Variants in TRAF3 observed in about 807,000 individuals in gnomAD.
TRAF3 encodes the protein TNF receptor-associated factor 3.
TRAF3 carries 13 observed loss-of-function variants against 62.3 expected under a neutral mutation model. The ratio of observed to expected loss-of-function variants is 0.21; its 90% CI spans 0.14 to 0.33. The LOEUF is 0.33. Among genes scored for constraint, TRAF3 ranks in the 10% least tolerant of loss-of-function variants. The probability of loss-of-function intolerance (pLI) is 1.00; values close to 1 mark genes in which losing one functional copy is unlikely to be tolerated. For missense variants in TRAF3, 440 were observed against 741.8 expected (o/e 0.59, Z 4.73); for synonymous variants, 269 against 283.4 (o/e 0.95, Z 0.51).
chr14:102,805,995 C>T (rs1435177221), intron 1 of TRAF3, among the ~76,000 whole-genome samples: 2 of 136,162 alleles, frequency 1.5e-5, no homozygotes, highest in African/African-American at 2.8e-5. Flanking sequence ...CAGTGGTTCT[C>T]ATCCAGAGAT....
rs1887650564 is a variant in TRAF3, at chr14:102,861,072, G to A, written c.-17-9113G>A. Among the ~76,000 whole-genome samples, 3 of 152,194 alleles carry A rather than the reference G, an allele frequency of 2.0e-5. No individual in the cohort carries two copies. The South Asian group carries it at 6.2e-4, about 32-fold the overall frequency. Reference sequence around the variant, plus strand: ...AGGCTGGGGAATGCAAGAAGCTCAGGGAGGCCAGAGAAAGACCCGCCCATT... The same window carrying A: ...AGGCTGGGGAATGCAAGAAGCTCAGAGAGGCCAGAGAAAGACCCGCCCATT... On this transcript the variant is annotated intron_variant, in intron 2 of 11. Transcript: ENST00000392745.
intron 6 of TRAF3, among the ~76,000 whole-genome samples, chr14:102,876,933 G>C (rs1284225003): frequency 1.4e-5 from 2 of 140,846 alleles, no homozygotes; most frequent in African/African-American, 2.7e-5. Flanking sequence ...TAGATAATCT[G>C]TTCCACAGTC....
At chr14:102,877,209 T>G (rs994576699) in intron 6 of TRAF3, among the ~76,000 whole-genome samples, 1 of 148,962 alleles carries the variant, frequency 6.7e-6, no homozygotes, top group African/African-American at 2.5e-5. Flanking sequence ...GCTCAGCTCA[T>G]AGATAATCCG....
At chr14:102,843,750 G>A (rs544540078) in intron 2 of TRAF3, among the ~76,000 whole-genome samples, 49 of 152,256 alleles carry the variant, frequency 3.2e-4, no homozygotes, top group Non-Finnish European at 6.3e-4. Flanking sequence ...TGAGGCTACA[G>A]TGAGCTATGA....
At chr14:102,781,955 G>T (rs2140052623) in intron 1 of TRAF3, among the ~76,000 whole-genome samples, 1 of 152,060 alleles carries the variant, frequency 6.6e-6, no homozygotes, top group African/African-American at 2.4e-5. Flanking sequence ...CAACATACCT[G>T]GCTAATTTTT....
intron 2 of TRAF3, among the ~76,000 whole-genome samples, chr14:102,839,499 C>T (rs764674191): frequency 6.6e-6 from 1 of 152,218 alleles, no homozygotes; most frequent in Non-Finnish European, 1.5e-5. Flanking sequence ...GGATTACAGG[C>T]GTGAGCCACT....
chr14:102,837,452 A>C (rs1260852229), intron 2 of TRAF3, among the ~76,000 whole-genome samples: 1 of 152,128 alleles, frequency 6.6e-6, no homozygotes, highest in Non-Finnish European at 1.5e-5. Flanking sequence ...GCCTCCAAAC[A>C]ATAATTTAAA....
At chr14:102,839,269 A>G (rs2139670874) in intron 2 of TRAF3, among the ~76,000 whole-genome samples, 1 of 117,516 alleles carries the variant, frequency 8.5e-6, no homozygotes, top group East Asian at 2.8e-4. Context: ...CCCAGGCTGT[A>G]GTGCAGTGGC....
intron 1 of TRAF3, among the ~76,000 whole-genome samples, chr14:102,817,218 T>C (rs954326225): frequency 1.3e-5 from 2 of 152,098 alleles, no homozygotes; most frequent in African/African-American, 2.4e-5. Flanking sequence ...TTGAGAATTA[T>C]GAAAAGCTGT....
chr14:102,794,843 A>G (rs1344534371), intron 1 of TRAF3, among the ~76,000 whole-genome samples: 1 of 152,162 alleles, frequency 6.6e-6, no homozygotes, highest in Non-Finnish European at 1.5e-5. Context: ...ACCTCTATAA[A>G]ATGTATGTCT....
chr14:102,834,468 G>A (rs1198038190), intron 2 of TRAF3, among the ~76,000 whole-genome samples: 1 of 151,852 alleles, frequency 6.6e-6, no homozygotes, highest in Non-Finnish European at 1.5e-5. Context: ...GGAGGCCGAG[G>A]TGGGTGGATC....
intron 9 of TRAF3, among the ~76,000 whole-genome samples, chr14:102,895,873 G>A (rs747769648): frequency 3.3e-5 from 5 of 152,130 alleles, no homozygotes; most frequent in African/African-American, 7.2e-5. Context: ...CTGCGCTTCC[G>A]TGGAAGGGTA....
intron 2 of TRAF3, among the ~76,000 whole-genome samples, chr14:102,865,688 G>A (rs1476453528): frequency 2.0e-5 from 3 of 151,928 alleles, no homozygotes; most frequent in African/African-American, 4.8e-5. Context: ...TAGTAGAGAC[G>A]GGGTTTCACC....
intron 6 of TRAF3, among the ~76,000 whole-genome samples, chr14:102,880,502 T>A (rs7143578): frequency 0.062 from 9,369 of 152,288 alleles, 447 homozygotes; most frequent in African/African-American, 0.13. Flanking sequence ...GCTTTTACAC[T>A]GTTGGTGGGA....
chr14:102,869,729 C>T (rs1209537472), intron 2 of TRAF3, among the ~76,000 whole-genome samples: 1 of 151,664 alleles, frequency 6.6e-6, no homozygotes, highest in African/African-American at 2.4e-5. Flanking sequence ...TGGCATGAAC[C>T]TGGGAGGCGG....
chr14:102,823,631 C>T (rs957073217), intron 1 of TRAF3, among the ~76,000 whole-genome samples: 2 of 152,078 alleles, frequency 1.3e-5, no homozygotes, highest in Non-Finnish European at 2.9e-5. Flanking sequence ...CTTGCAGTAA[C>T]GTTTTCTTGT....
chr14:102,901,011 C>T (rs1003721602), intron 10 of TRAF3, among the ~76,000 whole-genome samples: 2 of 152,246 alleles, frequency 1.3e-5, no homozygotes, highest in Non-Finnish European at 2.9e-5. Context: ...ACTCTGCGTT[C>T]TGCTTTGAAA....
chr14:102,835,391 T>TA (rs1885936750), intron 2 of TRAF3, among the ~76,000 whole-genome samples: 1 of 152,310 alleles, frequency 6.6e-6, no homozygotes, highest in Admixed American at 6.5e-5. Flanking sequence ...GCAATCCCAT[T>TA]ACTGGTTATA....
chr14:102,820,587 TATATATATATATATATATA>T (rs1899848554), intron 1 of TRAF3, among the ~76,000 whole-genome samples: 1 of 6,336 alleles, frequency 1.6e-4, no homozygotes, highest in African/African-American at 6.8e-4. Context: ...TATATATATA[TATATATATATATATATATA>T]TATATATATT....
Sources: gnomAD v4.1 joint callset for allele counts (sites outside exome capture counted in the v4.1 genomes callset) on GRCh38, gnomAD v4.1.1 for gene constraint, MANE v1.5 for transcripts, NCBI Gene and HGNC (gene_info 2026-07-23, HGNC 2026-07-21) for gene names.